Variants in DNAJC16 observed in about 807,000 individuals in gnomAD.
DNAJC16 encodes DnaJ heat shock protein family (Hsp40) member C16.
DNAJC16 carries 76 observed loss-of-function variants against 92.7 expected under a neutral mutation model. The observed-to-expected ratio is 0.82, with a 90% CI of 0.68 to 0.99. The LOEUF (loss-of-function observed/expected upper bound fraction) is 0.99. Among genes scored for constraint, DNAJC16 ranks in the 50% least tolerant of loss-of-function variants. DNAJC16 has a pLI of 0.00. For synonymous variants in DNAJC16, 328 were observed against 358.7 expected (o/e 0.91, Z 0.97); for missense variants, 869 against 942.4 (o/e 0.92, Z 1.02).
At position 15,529,131 on chromosome 1, in the gene DNAJC16, C is replaced by T. The variant is rs994114363; in HGVS notation, c.26C>T (p.Ser9Phe). The T allele has an allele frequency of 4.3e-6, 7 of 1,613,840 alleles. No individual in the cohort carries two copies. Among genetic ancestry groups the T allele is most frequent in the Non-Finnish European group, 5.9e-6 (7 of 1,179,904 alleles). MEVRKLSI[S>F]WQFLIVLVLI... ...ATGGAAGTGAGAAAGTTGAGCATTT[C>T]CTGGCAGTTCTTGATAGTTCTGGTT... Residue 9 changes from serine to phenylalanine, a missense_variant, in exon 2 of 15, where the codon TCC becomes TTC. Coordinates refer to ENST00000375847, the MANE Select transcript of DNAJC16 (RefSeq NM_015291.4).
Position 15,548,414 on chromosome 1 carries a change from G to A in DNAJC16, c.1009G>A (p.Ala337Thr), listed in dbSNP as rs1253832802. The change falls in exon 7 of 15, where the codon GCC becomes ACC. Residue 337 changes from alanine to threonine, a missense_variant. Transcript: ENST00000375847. ...CTTTAAAGAACATATAAACAGGCCT[G>A]CCGATGTTATCCAGGTACGTGAGGG... ...LVFKEHINRP[A>T]DVIQARGMKK... 4 of 1,612,164 alleles carry A rather than the reference G, an allele frequency of 2.5e-6. No homozygotes were observed. The highest frequency in any genetic ancestry group is 3.4e-6 in the Non-Finnish European group (4 of 1,179,040).
intron 7 of DNAJC16, among the ~76,000 whole-genome samples, chr1:15,549,504 G>C (rs926372196): frequency 6.6e-6 from 1 of 152,094 alleles, no homozygotes; most frequent in Non-Finnish European, 1.5e-5. Context: ...CCAAAACATA[G>C]GTGACTACAG....
intron 4 of DNAJC16, 119 bp downstream of exon 4, chr1:15,536,933 C>T: frequency 2.4e-6 from 2 of 818,246 alleles, no homozygotes; most frequent in Non-Finnish European, 3.6e-6. Context: ...TCACTGCAAC[C>T]TCCACCTCCC....
chr1:15,560,830 AC>A (rs964240038), intron 8 of DNAJC16, among the ~76,000 whole-genome samples: 4 of 151,658 alleles, frequency 2.6e-5, no homozygotes, highest in African/African-American at 7.3e-5. Flanking sequence ...TCCCAGCGAG[AC>A]CCCCCTGGCA....
chr1:15,559,707 G>A, intron 8 of DNAJC16, 51 bp downstream of exon 8: 2 of 1,598,580 alleles, frequency 1.3e-6, no homozygotes, highest in Non-Finnish European at 1.7e-6. Flanking sequence ...GAAGGATCAT[G>A]ATTCATTTTA....
At position 15,562,324 on chromosome 1, in the gene DNAJC16, C is replaced by T. The variant is rs745568733; in HGVS notation, c.1337C>T (p.Ala446Val). ...AGTGAGGCGTTTCAAGGGAAATCAG[C>T]GGTAAGCCACAGAGTCTCTCCTCAT... ...PDSEAFQGKS[A>V]VSILERRNTA... is the part of the protein sequence containing the mutation. The change falls in exon 9 of 15, where the codon GCG becomes GTG. Residue 446 changes from alanine to valine, a missense_variant and splice_region_variant. By Grantham distance (64) the Ala-to-Val change is moderately conservative (BLOSUM62 0). Transcript: ENST00000375847. The T allele has an allele frequency of 1.3e-5, 21 of 1,611,466 alleles. No homozygotes were observed. The highest frequency in any genetic ancestry group is 1.4e-5 in the Non-Finnish European group (16 of 1,178,310).
chr1:15,537,287 G>C (rs1402330700), intron 4 of DNAJC16, among the ~76,000 whole-genome samples: 1 of 152,192 alleles, frequency 6.6e-6, no homozygotes, highest in Non-Finnish European at 1.5e-5. Context: ...CCTTGAAGGG[G>C]GTTGGAAGTC....
At position 15,562,229 on chromosome 1, in the gene DNAJC16, A is replaced by G; in HGVS notation, c.1242A>G (p.Gln414=). The change falls in exon 9 of 15, where the codon CAA becomes CAG. Residue 414 remains glutamine, a synonymous_variant. Coordinates refer to ENST00000375847, the MANE Select transcript of DNAJC16 (RefSeq NM_015291.4). Reference sequence around the variant, plus strand: ...TGTCCTTTGCCCTGGCAAACACTCAAGACACAGTGAGATTTGTGCATGTCT... The same window carrying G: ...TGTCCTTTGCCCTGGCAAACACTCAGGACACAGTGAGATTTGTGCATGTCT... ...AFLSFALANT[Q]DTVRFVHVYS... 2 of 1,614,148 alleles carry G rather than the reference A, an allele frequency of 1.2e-6. No individual in the cohort carries two copies. The highest frequency in any genetic ancestry group is 1.6e-4 in the Middle Eastern group (1 of 6,062).
At chr1:15,563,286 T>C (rs4518900) in intron 9 of DNAJC16, among the ~76,000 whole-genome samples, 3,857 of 152,138 alleles carry the variant, frequency 0.025, 82 homozygotes, top group Non-Finnish European at 0.042. Flanking sequence ...CCCAGCACTT[T>C]GGGAGGCCGA....
chr1:15,562,203 C>T lies in DNAJC16; in HGVS notation c.1216C>T (p.Leu406=). The T allele has an allele frequency of 1.9e-6, 3 of 1,614,106 alleles. No homozygotes were observed. The highest frequency in any genetic ancestry group is 2.5e-6 in the Non-Finnish European group (3 of 1,179,978). Reference sequence around the variant, plus strand: ...GTTGAGCAAACCCTTTGAGGCTTTCCTGTCCTTTGCCCTGGCAAACACTCA... The same window carrying T: ...GTTGAGCAAACCCTTTGAGGCTTTCTTGTCCTTTGCCCTGGCAAACACTCA... ...TKLSKPFEAF[L]SFALANTQDT... Residue 406 remains leucine (L), a synonymous_variant, in exon 9 of 15, where the codon CTG becomes TTG. Transcript: ENST00000375847.
chr1:15,570,002 A>C lies in DNAJC16; in HGVS notation c.*1825A>C, dbSNP rs1033986350. 1 of 152,642 alleles carries C rather than the reference A, an allele frequency of 6.6e-6. No individual in the cohort carries two copies. The highest frequency in any genetic ancestry group is 1.5e-5 in the Non-Finnish European group (1 of 68,040). The allele number at this position is 152,642 out of a possible 1,614,324, so 9.5% of individuals were successfully genotyped here. A position where few individuals can be genotyped will look rare whatever the true frequency, so the allele number is the denominator to read the frequency against. ...TTTAAACTAAGCCACTTGGATCCTGAATAATTTAAATCTTGAGCTACATTG... is the reference window on the plus strand; with the variant it reads ...TTTAAACTAAGCCACTTGGATCCTGCATAATTTAAATCTTGAGCTACATTG... On this transcript the variant is annotated 3_prime_UTR_variant, in exon 15 of 15. Coordinates refer to ENST00000375847, the MANE Select transcript of DNAJC16 (RefSeq NM_015291.4).
intron 2 of DNAJC16, among the ~76,000 whole-genome samples, chr1:15,533,910 C>T (rs1330714579): frequency 6.6e-6 from 1 of 152,196 alleles, no homozygotes; most frequent in East Asian, 1.9e-4. Context: ...GGATAAACGA[C>T]TTAGCCTTCA....
At chr1:15,560,508 A>G (rs964191077) in intron 8 of DNAJC16, among the ~76,000 whole-genome samples, 1 of 152,214 alleles carries the variant, frequency 6.6e-6, no homozygotes, top group Non-Finnish European at 1.5e-5. Flanking sequence ...GAATGTATTC[A>G]TTACACCTTC....
At chr1:15,563,872 C>G (rs1015533357) in intron 9 of DNAJC16, 57 bp from the exon 10 acceptor site, 3 of 1,351,614 alleles carry the variant, frequency 2.2e-6, no homozygotes, top group Non-Finnish European at 3.1e-6. Flanking sequence ...AAGCAAACAA[C>G]TGTAACTTAA....
At chr1:15,547,269 T>C (rs981066270) in intron 6 of DNAJC16, among the ~76,000 whole-genome samples, 6 of 151,140 alleles carry the variant, frequency 4.0e-5, no homozygotes, top group Non-Finnish European at 7.4e-5. Context: ...TGCCTCAGCC[T>C]CCCAAGTAGC....
chr1:15,559,402 T>G, intron 7 of DNAJC16, 124 bp from the exon 8 acceptor site: 1 of 1,311,838 alleles, frequency 7.6e-7, no homozygotes, highest in Non-Finnish European at 1.1e-6. Context: ...AGGTCTGTCT[T>G]GTTTGGTTAT....
rs1301303007 is a variant in DNAJC16, at chr1:15,571,239, T to C, written c.*3062T>C. The C allele has an allele frequency of 6.6e-6, 1 of 152,212 alleles. No homozygotes were observed. The highest frequency in any genetic ancestry group is 1.5e-5 in the Non-Finnish European group (1 of 68,040). The allele number at this position is 152,212 out of a possible 1,614,324, so 9.4% of individuals were successfully genotyped here. A position where few individuals can be genotyped will look rare whatever the true frequency, so the allele number is the denominator to read the frequency against. On this transcript the variant is annotated 3_prime_UTR_variant, in exon 15 of 15. Coordinates refer to ENST00000375847, the MANE Select transcript of DNAJC16 (RefSeq NM_015291.4). ...TTGTTGATACTTGTTCCTTTTTATT[T>C]ATTAACATCCCAATCAATTTGCAGC...
chr1:15,532,431 A>G (rs919775361), intron 2 of DNAJC16, among the ~76,000 whole-genome samples: 2 of 152,158 alleles, frequency 1.3e-5, no homozygotes, highest in Non-Finnish European at 2.9e-5. Context: ...TCTTCCCACA[A>G]TTAGGAAAGT....
chr1:15,549,813 G>A (rs1440045631), intron 7 of DNAJC16, among the ~76,000 whole-genome samples: 4 of 115,874 alleles, frequency 3.5e-5, no homozygotes, highest in African/African-American at 1.5e-4. Flanking sequence ...GCAAGACTCC[G>A]TCTCAAAAAA....
Sources: allele counts gnomAD v4.1 joint callset (sites outside exome capture counted in the v4.1 genomes callset), GRCh38; gene constraint gnomAD v4.1.1; transcripts MANE v1.5; gene names NCBI Gene and HGNC (gene_info 2026-07-23, HGNC 2026-07-21).